MAD1L1: variants seen among roughly 807,000 people sequenced by gnomAD.
The protein encoded by MAD1L1 is mitotic spindle assembly checkpoint protein MAD1.
Under a neutral mutation model 96.9 loss-of-function variants are expected in MAD1L1, and 95 were observed. The ratio of observed to expected loss-of-function variants is 0.98; its 90% CI spans 0.83 to 1.16. The LOEUF (loss-of-function observed/expected upper bound fraction) is 1.16, where lower values mean the gene tolerates loss of function less well. MAD1L1 is among the 50% of genes most tolerant of loss of function. The pLI, the probability that MAD1L1 is intolerant of heterozygous loss-of-function variation, is 0.00. For missense variants in MAD1L1, 1,007 were observed against 954.4 expected, an observed-to-expected ratio of 1.06 and a Z score of -0.73; for synonymous variants, 473 against 396.6, an observed-to-expected ratio of 1.19 and a Z score of -2.29.
chr7:1,897,624 C>T (rs951174594), intron 18 of MAD1L1, among the ~76,000 whole-genome samples: 8 of 152,252 alleles, frequency 5.3e-5, no homozygotes, highest in African/African-American at 1.4e-4. Context: ...CCCGCTCGCC[C>T]GAGGACTCTT....
rs372465235 is a variant in MAD1L1 at position 1,936,846 on chromosome 7, T to C, written c.1648A>G (p.Thr550Ala). The change falls in exon 17 of 19, where the codon ACC (threonine) becomes GCC (alanine). Residue 550 changes from threonine to alanine, a missense_variant. Transcript: ENST00000265854. Reference sequence around the variant, plus strand: ...CGCAGGCGCTGCCTGGCCACACTGGTGGGGTTCAGGCTCATGTGCAGCACT... The same window carrying C: ...CGCAGGCGCTGCCTGGCCACACTGGCGGGGTTCAGGCTCATGTGCAGCACT... ...TKVLHMSLNP[T>A]SVARQRLRED... is the part of the protein sequence containing the mutation. 4 of 1,606,752 alleles carry C rather than the reference T, an allele frequency of 2.5e-6. No individual in the cohort carries two copies. The African/African-American group carries it at 5.3e-5, about 21-fold the overall frequency.
chr7:2,127,405 T>G (rs1275595354), intron 11 of MAD1L1, among the ~76,000 whole-genome samples: 1 of 152,120 alleles, frequency 6.6e-6, no homozygotes, highest in African/African-American at 2.4e-5. Flanking sequence ...CCCAGCACAC[T>G]TGCTCCAGAG....
At chr7:2,229,569 T>C (rs1249557641) in intron 3 of MAD1L1, among the ~76,000 whole-genome samples, 1 of 152,262 alleles carries the variant, frequency 6.6e-6, no homozygotes, top group Admixed American at 6.5e-5. Context: ...GCTGTGGCTT[T>C]GTCTCTGGGC....
intron 12 of MAD1L1, among the ~76,000 whole-genome samples, chr7:2,058,615 T>A (rs1234460670): frequency 4.2e-4 from 10 of 23,616 alleles, no homozygotes; most frequent in African/African-American, 6.3e-4. Context: ...GGGGCTAGAG[T>A]GGGAGTGTGG....
At chr7:2,015,260 C>T (rs954979956) in intron 12 of MAD1L1, among the ~76,000 whole-genome samples, 65 of 152,220 alleles carry the variant, frequency 4.3e-4, no homozygotes, top group African/African-American at 1.5e-3. Context: ...GCTGAGTCCC[C>T]GCTTTTCAGC....
intron 12 of MAD1L1, among the ~76,000 whole-genome samples, chr7:2,042,369 G>A (rs1783727280): frequency 6.6e-6 from 1 of 152,122 alleles, no homozygotes; most frequent in African/African-American, 2.4e-5. Context: ...ACAGGCACAA[G>A]GGCATGCACA....
chr7:2,062,247 A>G (rs1423232204), intron 12 of MAD1L1, among the ~76,000 whole-genome samples: 2 of 132,088 alleles, frequency 1.5e-5, no homozygotes, highest in Non-Finnish European at 3.2e-5. Context: ...ATTTCAAAAA[A>G]CAGCAACGAC....
At chr7:2,023,599 T>C (rs1289151971) in intron 12 of MAD1L1, among the ~76,000 whole-genome samples, 1 of 152,174 alleles carries the variant, frequency 6.6e-6, no homozygotes. Flanking sequence ...ATCAATCAAC[T>C]AAGCTTCCCA....
rs1789342171 is a variant in MAD1L1, at chr7:2,146,975, G to C, written c.1073+2177C>G. 6.6e-6 allele frequency among the ~76,000 whole-genome samples: 1 copy of C among 152,182 alleles called. No individual in the cohort carries two copies. Among genetic ancestry groups the C allele is most frequent in the African/African-American group, 2.4e-5 (1 of 41,446 alleles). Reference sequence around the variant, plus strand: ...TCATTGGCCACTGCCAGCGCTGCCTGTCCTAGGGTCTGCCTCCTTCCTGGG... The same window carrying C: ...TCATTGGCCACTGCCAGCGCTGCCTCTCCTAGGGTCTGCCTCCTTCCTGGG... On this transcript the variant is annotated intron_variant, in intron 11 of 18. Coordinates refer to ENST00000265854, the MANE Select transcript of MAD1L1 (RefSeq NM_001013836.2). The surrounding 1 kb of genome is among the most constrained non-coding windows in gnomAD (Gnocchi z 6.2).
intron 16 of MAD1L1, among the ~76,000 whole-genome samples, chr7:1,940,901 C>T (rs1778924757): frequency 7.2e-6 from 1 of 139,418 alleles, no homozygotes; most frequent in South Asian, 2.2e-4. Context: ...GTACTCAGCC[C>T]TCCTCTGACC....
intron 10 of MAD1L1, among the ~76,000 whole-genome samples, chr7:2,158,175 A>G (rs182339315): frequency 6.6e-6 from 1 of 152,324 alleles, no homozygotes; most frequent in East Asian, 1.9e-4. Context: ...ATTTTGACTC[A>G]AGCCCAGCTG....
At chr7:1,958,864 C>T (rs1397561819) in intron 15 of MAD1L1, among the ~76,000 whole-genome samples, 1 of 152,176 alleles carries the variant, frequency 6.6e-6, no homozygotes, top group Non-Finnish European at 1.5e-5. Flanking sequence ...AACTACCTGT[C>T]AGATAAACAT....
chr7:2,025,603 G>A (rs1305669540), intron 12 of MAD1L1, among the ~76,000 whole-genome samples: 3 of 152,190 alleles, frequency 2.0e-5, no homozygotes, highest in African/African-American at 7.2e-5. Context: ...AGAGATACAG[G>A]TTGCAACACA....
chr7:2,096,126 C>T (rs895855110), intron 11 of MAD1L1, among the ~76,000 whole-genome samples: 1 of 152,070 alleles, frequency 6.6e-6, no homozygotes, highest in Non-Finnish European at 1.5e-5. Context: ...GCCATCAGAG[C>T]ACACGACGCC....
At chr7:2,150,389 A>G (rs1193476058) in intron 10 of MAD1L1, among the ~76,000 whole-genome samples, 1 of 152,120 alleles carries the variant, frequency 6.6e-6, no homozygotes. Context: ...GGGCCCGACC[A>G]GACTCTGCCC....
At chr7:1,891,170 A>C (rs1438516918) in intron 18 of MAD1L1, among the ~76,000 whole-genome samples, 1 of 152,238 alleles carries the variant, frequency 6.6e-6, no homozygotes, top group Non-Finnish European at 1.5e-5. Flanking sequence ...AGGCTGCTAT[A>C]CAAAAACATT....
intron 17 of MAD1L1, among the ~76,000 whole-genome samples, chr7:1,919,870 G>C (rs1384708880): frequency 6.6e-6 from 1 of 152,230 alleles, no homozygotes; most frequent in East Asian, 1.9e-4. Flanking sequence ...TCAACAAAAA[G>C]AAACTGCAGA....
intron 11 of MAD1L1, among the ~76,000 whole-genome samples, chr7:2,073,559 C>T (rs927693088): frequency 3.9e-5 from 6 of 152,230 alleles, no homozygotes; most frequent in Non-Finnish European, 2.9e-5. Flanking sequence ...TCCCCGAATA[C>T]GCCTGCTCTT....
intron 10 of MAD1L1, among the ~76,000 whole-genome samples, chr7:2,208,958 A>G (rs566769161): frequency 6.2e-4 from 94 of 152,154 alleles, no homozygotes; most frequent in Middle Eastern, 3.4e-3. Context: ...CCCAACTTCC[A>G]GCACCCTAAG....
Sources: gnomAD v4.1 joint callset for allele counts (sites outside exome capture counted in the v4.1 genomes callset) on GRCh38, gnomAD v4.1.1 for gene constraint, Gnocchi (gnomAD v3.1) non-coding constraint, MANE v1.5 for transcripts, NCBI Gene and HGNC (gene_info 2026-07-23, HGNC 2026-07-21) for gene names.